ASPG: variants seen among roughly 807,000 people sequenced by gnomAD.
The protein encoded by ASPG is 60 kDa lysophospholipase.
In ASPG, 53 loss-of-function variants were observed where a neutral mutation model predicts 63.2. The observed-to-expected ratio is 0.84, with a 90% CI of 0.67 to 1.05. The LOEUF (loss-of-function observed/expected upper bound fraction) is 1.05, where lower values mean the gene tolerates loss of function less well. ASPG is among the 50% of genes least tolerant of loss of function. ASPG has a pLI of 0.00. For missense variants in ASPG, 741 were observed against 794.4 expected (o/e 0.93, Z 0.81); for synonymous variants, 370 against 355.0 (o/e 1.04, Z -0.48).
chr14:104,100,683 C>T (rs768157781), intron 6 of ASPG, among the ~76,000 whole-genome samples: 18 of 152,106 alleles, frequency 1.2e-4, no homozygotes, highest in African/African-American at 1.7e-4. Flanking sequence ...TGCAGCACAC[C>T]GGGTCTCAGG....
intron 12 of ASPG, chr14:104,108,258 G>A (rs796895937): frequency 6.3e-5 from 12 of 190,354 alleles, no homozygotes; most frequent in Admixed American, 2.6e-4. Flanking sequence ...GACAGGAGGG[G>A]GCGGGGCTGT....
Position 104,091,695 on chromosome 14 carries a change from T to C in ASPG, c.83-938T>C, listed in dbSNP as rs558576020. Among the ~76,000 whole-genome samples the C allele has an allele frequency of 1.1e-3, 165 of 151,590 alleles. 1 individual carries two copies. The highest frequency in any genetic ancestry group is 3.4e-3 in the Middle Eastern group (1 of 294). On this transcript the variant is annotated intron_variant, in intron 1 of 15. Transcript: ENST00000551177. This position sits in a 1 kb window ranked among gnomAD's most constrained non-coding sequence, Gnocchi z 6.4. ...AGGGGGCTGCTTTAACTTGCCAAGT[T>C]TGGGGTTAATTTGTGAGCCAGTGAT... is the stretch of plus-strand genomic sequence containing the variant.
In ASPG at chr14:104,110,297, CAGG is replaced by C. The variant is rs1339365899; in HGVS notation, c.1520+990_1520+992del. 1.6e-5 allele frequency: 16 copies of C among 985,152 alleles called. No individual in the cohort carries two copies. Among genetic ancestry groups the C allele is most frequent in the African/African-American group, 7.0e-5 (4 of 57,168 alleles). 61.0% of individuals were successfully genotyped at this position (985,152 alleles called of 1,614,324 possible). On this transcript the variant is annotated intron_variant, in intron 13 of 15. Coordinates refer to ENST00000551177, the MANE Select transcript of ASPG (RefSeq NM_001080464.3). The surrounding 1 kb of genome is among the most constrained non-coding windows in gnomAD (Gnocchi z 4.7). ...GGGGTGGGTGCAGGCGCCTGCCCAG[CAGG>C]AGGAGGACTAGCAGCTCTGGCTTCT...
In ASPG at chr14:104,115,170, G is replaced by GGACC. The variant is rs1596120587; in HGVS notation, c.*2627_*2628insACCG. The GGACC allele has an allele frequency of 6.6e-6, 1 of 152,126 alleles. No homozygotes were observed. The highest frequency in any genetic ancestry group is 1.9e-4 in the East Asian group (1 of 5,190). The allele number at this position is 152,126 out of a possible 1,614,324, so 9.4% of individuals were successfully genotyped here. A position where few individuals can be genotyped will look rare whatever the true frequency, so the allele number is the denominator to read the frequency against. ...CCTAAAATCAGACTCCTCAGCTGAGGGCCCTCCAGGACCGCCCTTCCCCAG... is the reference window on the plus strand; with the variant it reads ...CCTAAAATCAGACTCCTCAGCTGAGGGACCGCCCTCCAGGACCGCCCTTCCCCAG... On this transcript the variant is annotated 3_prime_UTR_variant, in exon 16 of 16. Transcript: ENST00000551177.
At chr14:104,086,005 C>T (rs899977254) in intron 1 of ASPG, among the ~76,000 whole-genome samples, 153 bp downstream of exon 1, 1 of 152,154 alleles carries the variant, frequency 6.6e-6, no homozygotes, top group Non-Finnish European at 1.5e-5. Context: ...TTCCGGCCAC[C>T]GGCGTCCCCA....
In ASPG at chr14:104,109,580, A is replaced by ATGCATGTGTGTGGG. The variant is rs1342508415; in HGVS notation, c.1520+278_1520+291dup. On this transcript the variant is annotated intron_variant, in intron 13 of 15. Transcript: ENST00000551177. The surrounding 1 kb of genome is among the most constrained non-coding windows in gnomAD (Gnocchi z 4.8). ...TGTGTGCACATGTGTGCATGTGTGTATGCATGTGTGTGGGTGCATGTGTGT... is the reference window on the plus strand; with the variant it reads ...TGTGTGCACATGTGTGCATGTGTGTATGCATGTGTGTGGGTGCATGTGTGTGGGTGCATGTGTGT... Among the ~76,000 whole-genome samples the ATGCATGTGTGTGGG allele has an allele frequency of 3.4e-5, 5 of 146,438 alleles. No individual in the cohort carries two copies. Among genetic ancestry groups the ATGCATGTGTGTGGG allele is most frequent in the Non-Finnish European group, 6.0e-5 (4 of 67,162 alleles).
At chr14:104,096,609 C>T (rs2036606415) in intron 4 of ASPG, among the ~76,000 whole-genome samples, 1 of 152,232 alleles carries the variant, frequency 6.6e-6, no homozygotes, top group South Asian at 2.1e-4. Context: ...GGGAGCAGAA[C>T]ATCCCGTGGA....
chr14:104,102,051 C>T (rs971417721), intron 6 of ASPG, among the ~76,000 whole-genome samples: 4 of 152,046 alleles, frequency 2.6e-5, no homozygotes, highest in Non-Finnish European at 4.4e-5. Flanking sequence ...GAGGTCAGTG[C>T]GGGGTGGGTG....
intron 1 of ASPG, among the ~76,000 whole-genome samples, chr14:104,090,998 T>C (rs1469611778): frequency 6.6e-6 from 1 of 152,168 alleles, no homozygotes; most frequent in Non-Finnish European, 1.5e-5. Context: ...CCCAAGTAGC[T>C]GGGATTACAG....
Position 104,112,594 on chromosome 14 carries a change from G to T in ASPG, c.*50G>T. Reference sequence around the variant, plus strand: ...AAGCCATTCCTTCCTCCCATGACCTGCTGGAGGGGTCTCAGGCATGACCCC... The same window carrying T: ...AAGCCATTCCTTCCTCCCATGACCTTCTGGAGGGGTCTCAGGCATGACCCC... On this transcript the variant is annotated 3_prime_UTR_variant, in exon 16 of 16. Coordinates refer to ENST00000551177, the MANE Select transcript of ASPG (RefSeq NM_001080464.3). 1 of 1,600,180 alleles carries T rather than the reference G, an allele frequency of 6.2e-7. No individual in the cohort carries two copies.
At position 104,107,321 on chromosome 14, in the gene ASPG, C is replaced by T. The variant is rs780640424; in HGVS notation, c.1409C>T (p.Pro470Leu). The T allele has an allele frequency of 3.8e-6, 6 of 1,592,308 alleles. No individual in the cohort carries two copies. Among genetic ancestry groups the T allele is most frequent in the East Asian group, 2.2e-5 (1 of 44,480 alleles). Residue 470 changes from proline to leucine, a missense_variant, in exon 12 of 16, where the codon CCG (proline) becomes CTG (leucine). Coordinates refer to ENST00000551177, the MANE Select transcript of ASPG (RefSeq NM_001080464.3). ...ACCCGGGACACGGATGGCTTCAGCCCGCTGCTGCTGGCCGTGCGGGGCAGG... is the reference window on the plus strand; with the variant it reads ...ACCCGGGACACGGATGGCTTCAGCCTGCTGCTGCTGGCCGTGCGGGGCAGG... Reference protein sequence around the residue: ...VNTRDTDGFSPLLLAVRGRHP... With the variant: ...VNTRDTDGFSLLLLAVRGRHP...
In ASPG at chr14:104,110,055, T is replaced by C. The variant is rs915113068; in HGVS notation, c.1520+740T>C. On this transcript the variant is annotated intron_variant, in intron 13 of 15. Transcript: ENST00000551177. The surrounding 1 kb of genome is among the most constrained non-coding windows in gnomAD (Gnocchi z 4.7). ...CCCCCACCCCATGCCTTGTGCCTGGTGACTTGGCGCTGCCTCCTGTGCCCA... is the reference window on the plus strand; with the variant it reads ...CCCCCACCCCATGCCTTGTGCCTGGCGACTTGGCGCTGCCTCCTGTGCCCA... 17 of 985,282 alleles carry C rather than the reference T, an allele frequency of 1.7e-5. No individual in the cohort carries two copies. The highest frequency in any genetic ancestry group is 1.9e-5 in the Non-Finnish European group (16 of 829,914). 61.0% of individuals were successfully genotyped at this position (985,282 alleles called of 1,614,324 possible).
intron 15 of ASPG, among the ~76,000 whole-genome samples, chr14:104,112,203 C>T (rs938927791): frequency 1.1e-4 from 16 of 152,076 alleles, no homozygotes; most frequent in African/African-American, 3.9e-4. Context: ...GAGAAAGGAG[C>T]AGTCAGGGAG....
At position 104,110,189 on chromosome 14, in the gene ASPG, T is replaced by C; in HGVS notation, c.1520+874T>C. On this transcript the variant is annotated intron_variant, in intron 13 of 15. Transcript: ENST00000551177. This position sits in a 1 kb window ranked among gnomAD's most constrained non-coding sequence, Gnocchi z 4.7. ...GTGGCTGGGGTGGGGGTGCTGTGAG[T>C]GGTGGGGTCTGTGCGCCTGTAAGTC... 1 of 982,600 alleles carries C rather than the reference T, an allele frequency of 1.0e-6. No homozygotes were observed. The highest frequency in any genetic ancestry group is 1.2e-4 in the East Asian group (1 of 8,658). 60.9% of individuals were successfully genotyped at this position (982,600 alleles called of 1,614,324 possible). A position where few individuals can be genotyped will look rare whatever the true frequency, so the allele number is the denominator to read the frequency against.
chr14:104,104,272 C>T (rs754750564), intron 7 of ASPG, 32 bp from the exon 8 acceptor site: 4 of 1,591,822 alleles, frequency 2.5e-6, no homozygotes, highest in Admixed American at 1.7e-5. Context: ...CAGAGACCCT[C>T]ACCATCCAGC....
intron 12 of ASPG, chr14:104,108,967 A>G (rs1284185932): frequency 2.0e-6 from 2 of 985,174 alleles, no homozygotes; most frequent in East Asian, 1.1e-4. Context: ...GCTGCCACAG[A>G]GTTGACCCCA....
chr14:104,098,075 G>C (rs3952969), intron 5 of ASPG, among the ~76,000 whole-genome samples: 162 of 8,824 alleles, frequency 0.018, 18 homozygotes, highest in Admixed American at 0.039. Flanking sequence ...TGGAGGTTTT[G>C]CGTTAGAGAT....
In ASPG at chr14:104,097,536, C is replaced by T. The variant is rs1177113477; in HGVS notation, c.430-18C>T. 1 of 1,549,740 alleles carries T rather than the reference C, an allele frequency of 6.5e-7. No individual in the cohort carries two copies. Among genetic ancestry groups the T allele is most frequent in the South Asian group, 1.2e-5 (1 of 83,950 alleles). On this transcript the variant is annotated intron_variant, in intron 4 of 15. Coordinates refer to ENST00000551177, the MANE Select transcript of ASPG (RefSeq NM_001080464.3). ...CTGGGCTTCCCAGGCCTCAGCTACT[C>T]CGTGGCCTCTCCCCCAGGTGCCCAT... is the stretch of plus-strand genomic sequence containing the variant.
In ASPG at chr14:104,098,643, G is replaced by A. The variant is rs545056178; in HGVS notation, c.514-210G>A. Among the ~76,000 whole-genome samples the A allele has an allele frequency of 3.3e-5, 5 of 152,184 alleles. No individual in the cohort carries two copies. The South Asian group carries it at 6.2e-4, about 19-fold the overall frequency. ...GGGTCCCCAGGCCCCTGCAGGCTCCGGTTAGCCCACGGGTAGGTGGCAGGG... is the reference window on the plus strand; with the variant it reads ...GGGTCCCCAGGCCCCTGCAGGCTCCAGTTAGCCCACGGGTAGGTGGCAGGG... On this transcript the variant is annotated intron_variant, in intron 5 of 15. Coordinates refer to ENST00000551177, the MANE Select transcript of ASPG (RefSeq NM_001080464.3).
Sources: allele counts gnomAD v4.1 joint callset (sites outside exome capture counted in the v4.1 genomes callset), GRCh38; gene constraint gnomAD v4.1.1; non-coding constraint Gnocchi (gnomAD v3.1); transcripts MANE v1.5; gene names NCBI Gene and HGNC (gene_info 2026-07-23, HGNC 2026-07-21).